The following CACNA1C variants were observed in gnomAD, a reference collection of about 807,000 sequenced individuals.
CACNA1C encodes the protein voltage-dependent L-type calcium channel subunit alpha-1C.
In CACNA1C, 30 loss-of-function variants were observed where a neutral mutation model predicts 229.0. The observed-to-expected ratio is 0.13, with a 90% CI of 0.10 to 0.18. The LOEUF (loss-of-function observed/expected upper bound fraction) is 0.18, where lower values mean the gene tolerates loss of function less well. Ranked by LOEUF, CACNA1C falls within the 10% of genes least tolerant of loss-of-function variation. The pLI, the probability that CACNA1C is intolerant of heterozygous loss-of-function variation, is 1.00. For missense variants in CACNA1C, 1,658 were observed against 2,845.0 expected, an observed-to-expected ratio of 0.58 and a Z score of 9.49; for synonymous variants, 1,114 against 1,132.5, an observed-to-expected ratio of 0.98 and a Z score of 0.33.
chr12:2,335,094 G>A (rs756345181), intron 3 of CACNA1C, among the ~76,000 whole-genome samples: 24 of 152,272 alleles, frequency 1.6e-4, no homozygotes, highest in Middle Eastern at 3.4e-3. Context: ...TCTGGGTTTG[G>A]AGGTTCTAGT....
rs527546788 is a variant in CACNA1C, at chr12:2,198,852, G to A, written c.477+78422G>A. ...GATTTTTTTTAAGTTTTCAAGGTGA[G>A]GATGCATTTTACTATATGCTAATTT... On this transcript the variant is annotated intron_variant, in intron 3 of 46. Coordinates refer to ENST00000399655, the MANE Select transcript of CACNA1C (RefSeq NM_000719.7). 2.6e-5 allele frequency among the ~76,000 whole-genome samples: 4 copies of A among 152,206 alleles called. No individual in the cohort carries two copies. In the South Asian group the frequency reaches 8.3e-4, roughly 32 times the overall value.
Position 2,566,599 on chromosome 12 carries a change from G to T in CACNA1C, c.1669+17G>T, listed in dbSNP as rs1470134348. On this transcript the variant is annotated intron_variant, in intron 12 of 46. Coordinates refer to ENST00000399655, the MANE Select transcript of CACNA1C (RefSeq NM_000719.7). This position sits in a 1 kb window ranked among gnomAD's most constrained non-coding sequence, Gnocchi z 4.0. ...AAGTCCAAGGTGAGCGGCGGCCCCA[G>T]CTCTGCTCTGGTTTCCTCCTGGTAA... 1.9e-6 allele frequency: 3 copies of T among 1,580,638 alleles called. No individual in the cohort carries two copies. Among genetic ancestry groups the T allele is most frequent in the Non-Finnish European group, 2.6e-6 (3 of 1,163,406 alleles).
rs1411913246 is a variant in CACNA1C, at chr12:2,595,803, C to T, written c.2664-71C>T. ...CTGGGGAGAGCTGAGGAGAGGGGCTCCCAAGAGCCGACTGGTGCTTCCCCT... is the reference window on the plus strand; with the variant it reads ...CTGGGGAGAGCTGAGGAGAGGGGCTTCCAAGAGCCGACTGGTGCTTCCCCT... On this transcript the variant is annotated intron_variant, in intron 19 of 46. Coordinates refer to ENST00000399655, the MANE Select transcript of CACNA1C (RefSeq NM_000719.7). This position sits in a 1 kb window ranked among gnomAD's most constrained non-coding sequence, Gnocchi z 4.1. 6 of 1,516,010 alleles carry T rather than the reference C, an allele frequency of 4.0e-6. No individual in the cohort carries two copies. Among genetic ancestry groups the T allele is most frequent in the Non-Finnish European group, 3.6e-6 (4 of 1,109,132 alleles). The allele number at this position is 1,516,010 out of a possible 1,614,324, so 93.9% of individuals were successfully genotyped here.
rs151143736 is a variant in CACNA1C at position 2,486,325 on chromosome 12, C to T, written c.916+63C>T. ...CCTCTATCGCTCCCAGCACCTTTCC[C>T]GCTGCTGGCTACACCAACATGACCA... On this transcript the variant is annotated intron_variant, in intron 6 of 46. Transcript: ENST00000399655. This position sits in a 1 kb window ranked among gnomAD's most constrained non-coding sequence, Gnocchi z 4.9. The T allele has an allele frequency of 1.0e-3, 1,464 of 1,406,334 alleles. 9 individuals carry two copies. The African/African-American group carries it at 0.018, about 17-fold the overall frequency. The allele number at this position is 1,406,334 out of a possible 1,614,324, so 87.1% of individuals were successfully genotyped here.
chr12:2,058,932 T>A (rs973235288), intron 1 of CACNA1C, among the ~76,000 whole-genome samples: 7 of 152,320 alleles, frequency 4.6e-5, no homozygotes, highest in Admixed American at 3.9e-4. Flanking sequence ...CAGGCTTTCC[T>A]GAGCCTGTGT....
At chr12:2,680,237 T>C in intron 42 of CACNA1C, 1 of 672,758 alleles carries the variant, frequency 1.5e-6, no homozygotes, top group East Asian at 2.8e-5. Flanking sequence ...GGGCATCCCC[T>C]GTGGGAGGCG....
At chr12:2,672,236 C>A (rs901829588) in intron 38 of CACNA1C, 1 of 152,178 alleles carries the variant, frequency 6.6e-6, no homozygotes, top group Non-Finnish European at 1.5e-5. Flanking sequence ...CCAAGCCAAA[C>A]AAGCTTCTCT....
intron 1 of CACNA1C, among the ~76,000 whole-genome samples, chr12:2,083,600 T>C (rs1038751066): frequency 2.0e-5 from 3 of 152,172 alleles, no homozygotes; most frequent in Non-Finnish European, 2.9e-5. Flanking sequence ...GTGATATTTG[T>C]CTCCACATTG....
chr12:2,160,351 T>G (rs112132810), intron 3 of CACNA1C, among the ~76,000 whole-genome samples: 1 of 152,188 alleles, frequency 6.6e-6, no homozygotes, highest in African/African-American at 2.4e-5. Flanking sequence ...AACTGTGACA[T>G]GTACTCACTT....
At chr12:2,194,319 C>CATTCCTCCTCCTCT (rs2097336201) in intron 3 of CACNA1C, among the ~76,000 whole-genome samples, 1 of 150,916 alleles carries the variant, frequency 6.6e-6, no homozygotes. Context: ...TGCCTCCTCC[C>CATTCCTCCTCCTCT]GTTCCTCCTC....
Position 2,493,467 on chromosome 12 carries a change from C to T in CACNA1C, c.1113+81C>T, listed in dbSNP as rs115182556. ...CCCTGACACCTCCCTTTCTCCTCCT[C>T]CCCATGGTCTTGGGGTCACATACGC... On this transcript the variant is annotated intron_variant, in intron 7 of 46. Transcript: ENST00000399655. The surrounding 1 kb of genome is among the most constrained non-coding windows in gnomAD (Gnocchi z 4.6). 8.1e-4 allele frequency: 872 copies of T among 1,072,208 alleles called. 8 individuals are homozygous for T. The African/African-American group carries it at 0.012, about 15-fold the overall frequency. The allele number at this position is 1,072,208 out of a possible 1,614,324, so 66.4% of individuals were successfully genotyped here. A position where few individuals can be genotyped will look rare whatever the true frequency, so the allele number is the denominator to read the frequency against.
Position 2,604,899 on chromosome 12 carries a change from G to T in CACNA1C, c.2961-182G>T, listed in dbSNP as rs560997247. On this transcript the variant is annotated intron_variant, in intron 22 of 46. Transcript: ENST00000399655. ...CCCCAGGGTTACAGGCAAGCTCCAG[G>T]CTCTCACGGGATGGGAGACAGGAGT... 8.5e-5 allele frequency among the ~76,000 whole-genome samples: 13 copies of T among 152,320 alleles called. No individual in the cohort carries two copies. The South Asian group carries it at 2.7e-3, about 32-fold the overall frequency.
intron 3 of CACNA1C, among the ~76,000 whole-genome samples, chr12:2,294,772 T>C (rs2093870029): frequency 6.6e-6 from 1 of 152,152 alleles, no homozygotes; most frequent in South Asian, 2.1e-4. Flanking sequence ...GCGGGCGCGT[T>C]GTTGGTCACA....
At chr12:2,001,363 T>C (rs2042163450) in intron 1 of CACNA1C, among the ~76,000 whole-genome samples, 1 of 152,196 alleles carries the variant, frequency 6.6e-6, no homozygotes, top group Admixed American at 6.5e-5. Flanking sequence ...GCTTAAATTT[T>C]AAAAGTACAA....
chr12:2,430,627 C>T (rs1278113829), intron 3 of CACNA1C, among the ~76,000 whole-genome samples: 5 of 152,102 alleles, frequency 3.3e-5, no homozygotes, highest in African/African-American at 4.8e-5. Context: ...GTATGTGCTC[C>T]GTAAACACTT....
At chr12:2,537,498 A>C (rs956123467) in intron 9 of CACNA1C, among the ~76,000 whole-genome samples, 13 of 152,168 alleles carry the variant, frequency 8.5e-5, no homozygotes, top group Admixed American at 2.6e-4. Flanking sequence ...TGATGTTGCT[A>C]TTGCACACTC....
intron 5 of CACNA1C, among the ~76,000 whole-genome samples, chr12:2,483,164 C>A (rs982956708): frequency 3.9e-5 from 6 of 152,162 alleles, no homozygotes; most frequent in Non-Finnish European, 4.4e-5. Flanking sequence ...GAGCCGCGTG[C>A]GCTGGGATTG....
rs577395431 is a variant in CACNA1C at position 2,462,933 on chromosome 12, G to C, written c.757+5227G>C. ...GCATTTTTTTTTTTTTTTTTTTTGAGACGGAGTCTTGCTCTGTCGCCCAGG... is the reference window on the plus strand; with the variant it reads ...GCATTTTTTTTTTTTTTTTTTTTGACACGGAGTCTTGCTCTGTCGCCCAGG... On this transcript the variant is annotated intron_variant, in intron 5 of 46. Coordinates refer to ENST00000399655, the MANE Select transcript of CACNA1C (RefSeq NM_000719.7). Among the ~76,000 whole-genome samples the C allele has an allele frequency of 7.8e-5, 9 of 115,226 alleles. No homozygotes were observed. The Admixed American group carries it at 7.8e-4, about 10-fold the overall frequency. 75.6% of individuals were successfully genotyped at this position (115,226 alleles called of 152,430 possible). A position where few individuals can be genotyped will look rare whatever the true frequency, so the allele number is the denominator to read the frequency against.
At chr12:2,351,398 C>G (rs1052271082) in intron 3 of CACNA1C, among the ~76,000 whole-genome samples, 13 of 152,218 alleles carry the variant, frequency 8.5e-5, no homozygotes, top group African/African-American at 3.1e-4. Flanking sequence ...AACCATCTCC[C>G]TTCACCTGGC....
Sources: allele counts gnomAD v4.1 joint callset (sites outside exome capture counted in the v4.1 genomes callset), GRCh38; gene constraint gnomAD v4.1.1; non-coding constraint Gnocchi (gnomAD v3.1); transcripts MANE v1.5; gene names NCBI Gene and HGNC (gene_info 2026-07-23, HGNC 2026-07-21).